The following DST variants were observed in gnomAD, a reference collection of about 807,000 sequenced individuals.
The protein encoded by DST is dystonin.
DST carries 253 observed loss-of-function variants against 875.2 expected under a neutral mutation model. The observed-to-expected ratio is 0.29, with a 90% CI of 0.26 to 0.32. The LOEUF is 0.32. DST is among the 10% of genes least tolerant of loss of function. The pLI is 1.00. For missense variants in DST, 8,287 were observed against 9,111.6 expected (o/e 0.91, Z 3.68); for synonymous variants, 3,124 against 3,197.1 (o/e 0.98, Z 0.77).
At chr6:56,789,944 G>T (rs2099714161) in intron 4 of DST, among the ~76,000 whole-genome samples, 1 of 152,138 alleles carries the variant, frequency 6.6e-6, no homozygotes, top group Non-Finnish European at 1.5e-5. Flanking sequence ...TACACAGCAG[G>T]AACTCTTCCT....
At chr6:56,589,741 C>G (rs1242922585) in intron 49 of DST, among the ~76,000 whole-genome samples, 1 of 152,188 alleles carries the variant, frequency 6.6e-6, no homozygotes, top group East Asian at 1.9e-4. Flanking sequence ...GGAAGGGGAT[C>G]TTGAGGAGTG....
intron 100 of DST, chr6:56,463,971 C>A: frequency 1.5e-6 from 1 of 678,690 alleles, no homozygotes; most frequent in Non-Finnish European, 2.7e-6. Flanking sequence ...CAGGTGAGTT[C>A]GGGGAGGAAA....
At position 56,553,316 on chromosome 6, in the gene DST, T is replaced by C. The variant is rs376691770; in HGVS notation, c.15476A>G (p.Asn5159Ser). 1 of 1,612,984 alleles carries C rather than the reference T, an allele frequency of 6.2e-7. No homozygotes were observed. Among genetic ancestry groups the C allele is most frequent in the Non-Finnish European group, 8.5e-7 (1 of 1,179,756 alleles). ...TFNKQVKERE[N>S]KLKESLEKAL... ...TTTTTCCAATGACTCTTTTAACTTG[T>C]TTTCTCTTTCTTTCACCTGCTTATT... Residue 5159 changes from asparagine to serine, a missense_variant, in exon 61 of 104, where the codon AAC becomes AGC. By Grantham distance (46) the Asn-to-Ser change is conservative. Transcript: ENST00000680361.
At chr6:56,796,703 TAAAC>T (rs1175549852) in intron 4 of DST, among the ~76,000 whole-genome samples, 1 of 151,412 alleles carries the variant, frequency 6.6e-6, no homozygotes, top group Non-Finnish European at 1.5e-5. Context: ...ACTATCTACA[TAAAC>T]AATCTGATTA....
At position 56,527,750 on chromosome 6, in the gene DST, C is replaced by T. The variant is rs549753204; in HGVS notation, c.17681-16G>A. ...ACTTCATCACCTAAAATTTCAAAGT[C>T]ACGTTATTTCTTATGAAGGAAAAAA... On this transcript the variant is annotated splice_polypyrimidine_tract_variant and intron_variant, in intron 67 of 103. Coordinates refer to ENST00000680361, the MANE Select transcript of DST (RefSeq NM_001374736.1). The T allele has an allele frequency of 8.2e-6, 13 of 1,578,870 alleles. No individual in the cohort carries two copies. In the African/African-American group the frequency reaches 1.6e-4, roughly 20 times the overall value.
At chr6:56,783,030 G>A (rs1027031725) in intron 4 of DST, among the ~76,000 whole-genome samples, 3 of 152,048 alleles carry the variant, frequency 2.0e-5, no homozygotes, top group South Asian at 4.2e-4. Context: ...GCAGTTGAGC[G>A]GTTTTGAGTG....
intron 47 of DST, among the ~76,000 whole-genome samples, chr6:56,596,831 T>C (rs1370915482): frequency 6.6e-6 from 1 of 152,232 alleles, no homozygotes; most frequent in African/African-American, 2.4e-5. Context: ...GCTCTTATAG[T>C]AGCATTAATG....
chr6:56,687,004 C>T (rs1305114572), intron 9 of DST, among the ~76,000 whole-genome samples: 1 of 152,140 alleles, frequency 6.6e-6, no homozygotes, highest in Admixed American at 6.5e-5. Context: ...GTTCTCCTCC[C>T]CTACTCTGCC....
Position 56,634,113 on chromosome 6 carries a change from C to T in DST, c.3621+19G>A. On this transcript the variant is annotated intron_variant, in intron 27 of 103. Coordinates refer to ENST00000680361, the MANE Select transcript of DST (RefSeq NM_001374736.1). Reference sequence around the variant, plus strand: ...CACATTTTTGGACATATCGAGTTGACATACAGATTCATACTTACTGAAGCC... The same window carrying T: ...CACATTTTTGGACATATCGAGTTGATATACAGATTCATACTTACTGAAGCC... 2 of 1,612,456 alleles carry T rather than the reference C, an allele frequency of 1.2e-6. No individual in the cohort carries two copies. Among genetic ancestry groups the T allele is most frequent in the Non-Finnish European group, 1.7e-6 (2 of 1,179,928 alleles).
rs371039158 is a variant in DST, at chr6:56,511,165, A to G, written c.18780+32T>C. The G allele has an allele frequency of 7.8e-6, 12 of 1,534,158 alleles. No individual in the cohort carries two copies. In the African/African-American group the frequency reaches 1.4e-4, roughly 18 times the overall value. On this transcript the variant is annotated intron_variant, in intron 73 of 103. Transcript: ENST00000680361. ...CTTTCTGTGCTCTGTTGTCTGCAAG[A>G]ACCCAATTCTATATCTAGTGTAAAC... is the stretch of plus-strand genomic sequence containing the variant.
chr6:56,943,251 G>C (rs1053808935), intron 2 of DST, among the ~76,000 whole-genome samples: 1 of 152,034 alleles, frequency 6.6e-6, no homozygotes, highest in Non-Finnish European at 1.5e-5. Context: ...GGAATTGGAT[G>C]ACAGTACTGG....
chr6:56,511,290 C>G lies in DST; in HGVS notation c.18687G>C (p.Lys6229Asn), dbSNP rs1562469575. ...SPGEGFSIQE[K>N]YVAADTLYSQ... ...TGTAAAGGGTGTCGGCTGCCACATACTTCTCTTGGATAGAAAAGCCTTCCC... is the reference window on the plus strand; with the variant it reads ...TGTAAAGGGTGTCGGCTGCCACATAGTTCTCTTGGATAGAAAAGCCTTCCC... The change falls in exon 73 of 104, where the codon AAG becomes AAC. Residue 6229 changes from lysine (K) to asparagine (N), a missense_variant. Transcript: ENST00000680361. 1.2e-6 allele frequency: 2 copies of G among 1,604,828 alleles called. No individual in the cohort carries two copies. The highest frequency in any genetic ancestry group is 2.2e-5 in the South Asian group (2 of 89,116).
At chr6:56,615,828 T>C (rs1481873946) in intron 36 of DST, 1 of 1,614,186 alleles carries the variant, frequency 6.2e-7, no homozygotes, top group South Asian at 1.1e-5. Flanking sequence ...TCCTTATTTA[T>C]AATATTTGCA....
At position 56,511,412 on chromosome 6, in the gene DST, C is replaced by T; in HGVS notation, c.18577-12G>A. ...AACTCACGCAGTTGCTATAACAAAC[C>T]AAACAGCTTTTCAGTATCTCAGGGT... On this transcript the variant is annotated splice_polypyrimidine_tract_variant and intron_variant, in intron 72 of 103. Transcript: ENST00000680361. 6.3e-7 allele frequency: 1 copy of T among 1,587,514 alleles called. No individual in the cohort carries two copies. The highest frequency in any genetic ancestry group is 8.6e-7 in the Non-Finnish European group (1 of 1,166,464).
At chr6:56,681,306 C>A (rs550015372) in intron 9 of DST, among the ~76,000 whole-genome samples, 139 of 152,302 alleles carry the variant, frequency 9.1e-4, no homozygotes, top group Non-Finnish European at 1.7e-3. Context: ...GCAGCCTCAT[C>A]TCTCCTCCCT....
At chr6:56,796,410 G>A (rs2099739837) in intron 4 of DST, among the ~76,000 whole-genome samples, 1 of 152,236 alleles carries the variant, frequency 6.6e-6, no homozygotes, top group Non-Finnish European at 1.5e-5. Flanking sequence ...GGAAGACAGA[G>A]AATGGAGAGT....
intron 2 of DST, among the ~76,000 whole-genome samples, chr6:56,952,103 T>C (rs1247730939): frequency 6.6e-6 from 1 of 152,198 alleles, no homozygotes; most frequent in Non-Finnish European, 1.5e-5. Flanking sequence ...CACAGTCTAG[T>C]AGACAAGGCA....
chr6:56,578,114 A>G (rs1432558189), intron 50 of DST, among the ~76,000 whole-genome samples: 1 of 152,092 alleles, frequency 6.6e-6, no homozygotes, highest in Non-Finnish European at 1.5e-5. Context: ...TTACAGCTGT[A>G]GTGCTACTTT....
chr6:56,552,401 C>G lies in DST; in HGVS notation c.16391G>C (p.Arg5464Thr). 1 of 1,614,014 alleles carries G rather than the reference C, an allele frequency of 6.2e-7. No individual in the cohort carries two copies. Among genetic ancestry groups the G allele is most frequent in the Non-Finnish European group, 8.5e-7 (1 of 1,179,896 alleles). Residue 5464 changes from arginine to threonine, a missense_variant, in exon 61 of 104, where the codon AGG (arginine) becomes ACG (threonine). Coordinates refer to ENST00000680361, the MANE Select transcript of DST (RefSeq NM_001374736.1). Reference sequence around the variant, plus strand: ...TTGTTTGCTTAAGGCCTCCAAGTCCCTTTTGATTCCAACAAGGTCAGGAGA... The same window carrying G: ...TTGTTTGCTTAAGGCCTCCAAGTCCGTTTTGATTCCAACAAGGTCAGGAGA... Reference protein sequence around the residue: ...ETSPDLVGIKRDLEALSKQCN... With the variant: ...ETSPDLVGIKTDLEALSKQCN...
Sources: allele counts gnomAD v4.1 joint callset (sites outside exome capture counted in the v4.1 genomes callset), GRCh38; gene constraint gnomAD v4.1.1; transcripts MANE v1.5; gene names NCBI Gene and HGNC (gene_info 2026-07-23, HGNC 2026-07-21).